EIPR1: variants seen among roughly 807,000 people sequenced by gnomAD.
The protein encoded by EIPR1 is EARP complex and GARP complex interacting protein 1.
A neutral mutation model predicts 48.1 loss-of-function variants in EIPR1; 25 were observed. That is an observed-to-expected ratio of 0.52 (90% CI 0.38 to 0.73). EIPR1 has a LOEUF of 0.73. EIPR1 is among the 30% of genes least tolerant of loss of function. EIPR1 has a pLI of 0.00. For missense variants in EIPR1, 415 were observed against 506.2 expected, an observed-to-expected ratio of 0.82 and a Z score of 1.73; for synonymous variants, 204 against 201.9, an observed-to-expected ratio of 1.01 and a Z score of -0.09.
At chr2:3,218,922 G>A (rs1437053837) in intron 4 of EIPR1, among the ~76,000 whole-genome samples, 54 of 98,070 alleles carry the variant, frequency 5.5e-4, no homozygotes, top group East Asian at 1.0e-3. Context: ...GCCCCGATAC[G>A]CTCTAGAGCA....
chr2:3,361,881 T>A (rs1236830908), intron 1 of EIPR1, among the ~76,000 whole-genome samples: 2 of 152,086 alleles, frequency 1.3e-5, no homozygotes, highest in East Asian at 3.9e-4. Context: ...ACCTCCACCA[T>A]CTGCACACCC....
chr2:3,217,832 C>A (rs1436669727), intron 4 of EIPR1, among the ~76,000 whole-genome samples: 3 of 152,192 alleles, frequency 2.0e-5, no homozygotes, highest in Non-Finnish European at 4.4e-5. Context: ...GCCCCACTGG[C>A]TACCCTGATA....
At chr2:3,338,404 A>C (rs992298592) in intron 2 of EIPR1, among the ~76,000 whole-genome samples, 4 of 152,222 alleles carry the variant, frequency 2.6e-5, no homozygotes, top group Admixed American at 6.5e-5. Flanking sequence ...GGTCATATCC[A>C]GTCTTAAAGA....
chr2:3,279,803 C>A (rs945517735), intron 3 of EIPR1, among the ~76,000 whole-genome samples: 6 of 152,204 alleles, frequency 3.9e-5, no homozygotes, highest in African/African-American at 1.2e-4. Context: ...AAGTTACACA[C>A]AACCCAGGAA....
intron 4 of EIPR1, among the ~76,000 whole-genome samples, chr2:3,234,780 C>T (rs1333145356): frequency 1.3e-5 from 2 of 152,224 alleles, no homozygotes; most frequent in African/African-American, 2.4e-5. Context: ...CTGGAAGATG[C>T]TCCTACTTTG....
intron 3 of EIPR1, among the ~76,000 whole-genome samples, chr2:3,270,776 A>G (rs1667679994): frequency 6.6e-6 from 1 of 152,238 alleles, no homozygotes; most frequent in African/African-American, 2.4e-5. Flanking sequence ...GATGGCAGCT[A>G]ACTGCTCAGG....
In EIPR1 at chr2:3,192,511, T is replaced by C; in HGVS notation, c.892A>G (p.Ile298Val). 1.9e-6 allele frequency: 3 copies of C among 1,613,102 alleles called. No homozygotes were observed. In the East Asian group the frequency reaches 6.7e-5, roughly 36 times the overall value. The change falls in exon 8 of 9, where the codon ATC (isoleucine) becomes GTC (valine). Residue 298 changes from isoleucine (I) to valine (V), a missense_variant. Transcript: ENST00000382125. ...VLTGSSDSRV[I>V]LSNMVSISSE... ...GAGATGGACACCATGTTGGAAAGGA[T>C]GACTCTGCTGTCACTGCTGCCCGTG...
chr2:3,236,679 C>T (rs931555867), intron 4 of EIPR1, among the ~76,000 whole-genome samples: 1 of 152,152 alleles, frequency 6.6e-6, no homozygotes, highest in Non-Finnish European at 1.5e-5. Context: ...CCTGGGCTAC[C>T]TGGACAGCAT....
chr2:3,377,592 G>A, intron 1 of EIPR1, 56 bp downstream of exon 1: 1 of 1,550,086 alleles, frequency 6.5e-7, no homozygotes, highest in Non-Finnish European at 8.7e-7. Flanking sequence ...CCATGGGACC[G>A]CGCATGCTAT....
In EIPR1 at chr2:3,347,134, C is replaced by T. The variant is rs147561195; in HGVS notation, c.126+7416G>A. Among the ~76,000 whole-genome samples, 6 of 152,258 alleles carry T rather than the reference C, an allele frequency of 3.9e-5. No individual in the cohort carries two copies. The East Asian group carries it at 5.8e-4, about 15-fold the overall frequency. On this transcript the variant is annotated intron_variant, in intron 2 of 8. Transcript: ENST00000382125. ...GTGACTGGAAGCTTCCTGAGGCCGT[C>T]GCAGAAGCAGATGCCAGAGCCATGC...
intron 4 of EIPR1, among the ~76,000 whole-genome samples, chr2:3,252,798 G>C (rs777745192): frequency 4.6e-5 from 7 of 152,162 alleles, no homozygotes; most frequent in Non-Finnish European, 1.0e-4. Context: ...GGCTGGCGGG[G>C]ACCTGAGGGG....
intron 3 of EIPR1, among the ~76,000 whole-genome samples, chr2:3,326,737 C>A (rs1669709923): frequency 6.6e-6 from 1 of 152,198 alleles, no homozygotes; most frequent in East Asian, 1.9e-4. Flanking sequence ...AGTTGTCATT[C>A]TCTTACGTTT....
intron 3 of EIPR1, among the ~76,000 whole-genome samples, chr2:3,306,506 T>G (rs568176833): frequency 2.0e-4 from 30 of 152,282 alleles, no homozygotes; most frequent in African/African-American, 7.0e-4. Flanking sequence ...AACTTTTGGC[T>G]CCCCAAAAAC....
intron 5 of EIPR1, among the ~76,000 whole-genome samples, chr2:3,201,343 A>AG (rs1214041362): frequency 6.6e-6 from 1 of 152,196 alleles, no homozygotes; most frequent in African/African-American, 2.4e-5. Flanking sequence ...ACCATGGCGG[A>AG]GGGGGGATGT....
At chr2:3,334,130 C>T (rs1315704025) in intron 3 of EIPR1, among the ~76,000 whole-genome samples, 2 of 152,222 alleles carry the variant, frequency 1.3e-5, no homozygotes, top group African/African-American at 4.8e-5. Context: ...ATAAGCACCC[C>T]TAACAAACGG....
chr2:3,295,428 T>A (rs1399783882), intron 3 of EIPR1, among the ~76,000 whole-genome samples: 9 of 126,840 alleles, frequency 7.1e-5, no homozygotes, highest in Non-Finnish European at 1.3e-4. Context: ...GCCCATCCTC[T>A]CTGCACACAC....
At chr2:3,238,294 G>A (rs553249521) in intron 4 of EIPR1, among the ~76,000 whole-genome samples, 14 of 152,136 alleles carry the variant, frequency 9.2e-5, no homozygotes, top group Admixed American at 1.3e-4. Context: ...CGGAGCGCCC[G>A]TGACCCCTGG....
chr2:3,243,772 C>A (rs977832566), intron 4 of EIPR1, among the ~76,000 whole-genome samples: 1 of 152,138 alleles, frequency 6.6e-6, no homozygotes, highest in Non-Finnish European at 1.5e-5. Context: ...TCCTCAAAAC[C>A]CTATCCTCTG....
chr2:3,192,669 G>C (rs1664649506), intron 7 of EIPR1, 88 bp from the exon 8 acceptor site: 1 of 1,390,240 alleles, frequency 7.2e-7, no homozygotes, highest in African/African-American at 1.4e-5. Flanking sequence ...GGCCCCACTA[G>C]GCTGGGGCTC....
Sources: allele counts gnomAD v4.1 joint callset (sites outside exome capture counted in the v4.1 genomes callset), GRCh38; gene constraint gnomAD v4.1.1; transcripts MANE v1.5; gene names NCBI Gene and HGNC (gene_info 2026-07-23, HGNC 2026-07-21).